The following RICTOR variants were observed in gnomAD, a reference collection of about 807,000 sequenced individuals.
RICTOR encodes the protein rapamycin-insensitive companion of mTOR.
A neutral mutation model predicts 214.9 loss-of-function variants in RICTOR; 49 were observed. The observed-to-expected ratio is 0.23, with a 90% CI of 0.18 to 0.29. The LOEUF (loss-of-function observed/expected upper bound fraction) is 0.29. RICTOR is among the 10% of genes least tolerant of loss of function. RICTOR has a pLI of 1.00. For missense variants in RICTOR, 1,625 were observed against 2,047.0 expected (o/e 0.79, Z 3.98); for synonymous variants, 717 against 711.3 (o/e 1.01, Z -0.13).
At chr5:38,959,716 A>G in intron 21 of RICTOR, 63 bp downstream of exon 21, 1 of 1,045,954 alleles carries the variant, frequency 9.6e-7, no homozygotes, top group East Asian at 2.4e-5. Flanking sequence ...AAAGCATACC[A>G]TATCTAACTA....
chr5:38,997,128 C>T (rs1292556215), intron 5 of RICTOR, among the ~76,000 whole-genome samples: 1 of 151,982 alleles, frequency 6.6e-6, no homozygotes, highest in Non-Finnish European at 1.5e-5. Flanking sequence ...TAGTAATTTA[C>T]AAGACTACAT....
At chr5:38,959,474 T>A (rs1304092176) in intron 21 of RICTOR, 153 bp from the exon 22 acceptor site, 13 of 591,568 alleles carry the variant, frequency 2.2e-5, no homozygotes, top group African/African-American at 3.7e-5. Flanking sequence ...TACACATACA[T>A]TGTGAAGATT....
chr5:39,055,817 T>C (rs1395672082), intron 2 of RICTOR, among the ~76,000 whole-genome samples: 1 of 151,192 alleles, frequency 6.6e-6, no homozygotes, highest in Non-Finnish European at 1.5e-5. Flanking sequence ...ACAGGGAGAG[T>C]AGTTACGAAG....
At chr5:38,964,331 C>CTCCTT (rs1750037677) in intron 16 of RICTOR, among the ~76,000 whole-genome samples, 1 of 151,828 alleles carries the variant, frequency 6.6e-6, no homozygotes, top group South Asian at 2.1e-4. Context: ...TTTGCAGTAT[C>CTCCTT]TCCTTTAGTA....
chr5:38,988,273 T>C (rs944503757), intron 7 of RICTOR, among the ~76,000 whole-genome samples: 2 of 152,162 alleles, frequency 1.3e-5, no homozygotes, highest in Non-Finnish European at 2.9e-5. Context: ...GTCTCGTCGA[T>C]CTAATATTGA....
chr5:39,066,808 T>C (rs948040756), intron 2 of RICTOR, among the ~76,000 whole-genome samples: 9 of 152,230 alleles, frequency 5.9e-5, no homozygotes, highest in African/African-American at 1.9e-4. Flanking sequence ...ACCAAGTGCT[T>C]TGCTAAAGCA....
intron 3 of RICTOR, among the ~76,000 whole-genome samples, chr5:39,006,579 G>A (rs1327305224): frequency 1.3e-5 from 2 of 151,398 alleles, no homozygotes; most frequent in Non-Finnish European, 1.5e-5. Flanking sequence ...TCACATCCAC[G>A]AGAAGCATGG....
rs554353864 is a variant in RICTOR at position 38,989,257 on chromosome 5, C to T, written c.583+1692G>A. 3.9e-4 allele frequency among the ~76,000 whole-genome samples: 60 copies of T among 152,092 alleles called. 1 individual carries two copies. Among genetic ancestry groups the T allele is most frequent in the African/African-American group, 1.2e-3 (49 of 41,508 alleles). ...TGACAAACCTGACAAAAATAAGCAA[C>T]GGGGAAAGGATTCCAATCTATTTAA... On this transcript the variant is annotated intron_variant, in intron 7 of 37. Transcript: ENST00000357387.
chr5:38,950,710 T>C lies in RICTOR; in HGVS notation c.3138A>G (p.Ile1046Met). ...ESESVPSSMF[I>M]LEDDRFGSSS... ...TGCTGCCAAACCGGTCATCCTCCAA[T>C]ATGAACATACCTATGATTGAAGGAT... Residue 1046 changes from isoleucine to methionine, a missense_variant, in exon 31 of 38, where the codon ATA (isoleucine) becomes ATG (methionine). Transcript: ENST00000357387. The C allele has an allele frequency of 1.3e-6, 2 of 1,592,274 alleles. No homozygotes were observed. Among genetic ancestry groups the C allele is most frequent in the Non-Finnish European group, 1.7e-6 (2 of 1,169,824 alleles).
At position 38,942,323 on chromosome 5, in the gene RICTOR, T is replaced by G; in HGVS notation, c.5108A>C (p.Asp1703Ala). ...ATGAGGTCAGGATTCAGCAGATGTA[T>G]CAACTATAGGTTGCTTTGGTGGTGT... The part of the protein sequence containing the change: ...LATPPKQPIV[D>A]TSAES Residue 1703 changes from aspartate to alanine, a missense_variant, in exon 38 of 38, where the codon GAT becomes GCT. Asp to Ala is a moderately radical substitution (Grantham distance 126). Coordinates refer to ENST00000357387, the MANE Select transcript of RICTOR (RefSeq NM_152756.5). 1.3e-6 allele frequency: 2 copies of G among 1,596,736 alleles called. No homozygotes were observed. Among genetic ancestry groups the G allele is most frequent in the Non-Finnish European group, 1.7e-6 (2 of 1,167,724 alleles).
At chr5:38,984,974 T>G (rs188341269) in intron 7 of RICTOR, among the ~76,000 whole-genome samples, 10 of 152,110 alleles carry the variant, frequency 6.6e-5, no homozygotes, top group South Asian at 6.2e-4. Flanking sequence ...CGTACCTTTT[T>G]TTTGTTTGTT....
At chr5:39,064,237 C>T (rs960654293) in intron 2 of RICTOR, among the ~76,000 whole-genome samples, 5 of 151,980 alleles carry the variant, frequency 3.3e-5, no homozygotes, top group Admixed American at 3.3e-4. Context: ...GCCACTGTAA[C>T]AAAAAAACAC....
rs769758702 is a variant in RICTOR at position 39,029,626 on chromosome 5, G to GA, written c.98-8491dup. Among the ~76,000 whole-genome samples, 76 of 151,658 alleles carry GA rather than the reference G, an allele frequency of 5.0e-4. 1 individual carries two copies. The highest frequency in any genetic ancestry group is 5.3e-4 in the Admixed American group (8 of 15,220). On this transcript the variant is annotated intron_variant, in intron 2 of 37. Transcript: ENST00000357387. ...CATGCTACTTGGGAGTAATGGAAAGGAAAAAAAACCTTTGGAATAAAAAAG... is the reference window on the plus strand; with the variant it reads ...CATGCTACTTGGGAGTAATGGAAAGGAAAAAAAAACCTTTGGAATAAAAAAG...
At chr5:38,995,208 T>C (rs1753090084) in intron 6 of RICTOR, among the ~76,000 whole-genome samples, 1 of 152,354 alleles carries the variant, frequency 6.6e-6, no homozygotes, top group South Asian at 2.1e-4. Flanking sequence ...TGTGGTATTA[T>C]ACACTATGGA....
At chr5:39,008,802 G>T (rs1369835570) in intron 3 of RICTOR, among the ~76,000 whole-genome samples, 2 of 151,420 alleles carry the variant, frequency 1.3e-5, no homozygotes, top group East Asian at 3.9e-4. Context: ...TTATTTTAAA[G>T]ATTTCTCACA....
intron 2 of RICTOR, among the ~76,000 whole-genome samples, chr5:39,040,334 G>A (rs1757072330): frequency 8.4e-6 from 1 of 119,070 alleles, no homozygotes; most frequent in Non-Finnish European, 1.7e-5. Flanking sequence ...GGGGGAGGGG[G>A]GAGGGATAGC....
At chr5:38,952,948 G>A (rs764679716) in intron 29 of RICTOR, 37 bp downstream of exon 29, 18 of 1,241,290 alleles carry the variant, frequency 1.5e-5, no homozygotes, top group Admixed American at 1.1e-4. Context: ...GAATAACAAC[G>A]TCTACATTAG....
intron 2 of RICTOR, among the ~76,000 whole-genome samples, chr5:39,073,551 T>C (rs891151754): frequency 3.9e-5 from 6 of 152,046 alleles, no homozygotes; most frequent in Non-Finnish European, 7.4e-5. Context: ...ACCAGACATT[T>C]AGCAGTAATG....
chr5:39,011,059 A>G (rs1754473957), intron 3 of RICTOR, among the ~76,000 whole-genome samples: 1 of 152,168 alleles, frequency 6.6e-6, no homozygotes, highest in Admixed American at 6.5e-5. Context: ...AGAGATCTTC[A>G]TGGCAGCCCC....
Sources: allele counts gnomAD v4.1 joint callset (sites outside exome capture counted in the v4.1 genomes callset), GRCh38; gene constraint gnomAD v4.1.1; transcripts MANE v1.5; gene names NCBI Gene and HGNC (gene_info 2026-07-23, HGNC 2026-07-21).